Variants in GRTP1 observed in about 807,000 individuals in gnomAD.
The protein encoded by GRTP1 is growth hormone-regulated TBC protein 1.
GRTP1 carries 56 observed loss-of-function variants against 38.1 expected under a neutral mutation model. That is an observed-to-expected ratio of 1.47 (90% CI 1.19 to 1.84). The LOEUF is 1.84. Ranked by LOEUF, GRTP1 falls within the 40% of genes most tolerant of loss-of-function variation. The pLI is 0.00. For missense variants in GRTP1, 506 were observed against 453.9 expected (o/e 1.11, Z -1.04); for synonymous variants, 217 against 189.5 (o/e 1.14, Z -1.19).
rs201619154 is a variant in GRTP1, at chr13:113,344,844, G to A, written c.562+19C>T. 2.2e-4 allele frequency: 342 copies of A among 1,580,304 alleles called. No individual in the cohort carries two copies. Among genetic ancestry groups the A allele is most frequent in the Non-Finnish European group, 2.8e-4 (328 of 1,166,884 alleles). On this transcript the variant is annotated intron_variant, in intron 5 of 7. Coordinates refer to ENST00000375431, the MANE Select transcript of GRTP1 (RefSeq NM_024719.4). Reference sequence around the variant, plus strand: ...AGAAACAGGACAGTTCGGGCATACCGCAGGAATTTTCAACATACCTGGTAG... The same window carrying A: ...AGAAACAGGACAGTTCGGGCATACCACAGGAATTTTCAACATACCTGGTAG...
chr13:113,357,353 G>C (rs2043412279), intron 2 of GRTP1, among the ~76,000 whole-genome samples: 1 of 147,348 alleles, frequency 6.8e-6, no homozygotes, highest in South Asian at 2.1e-4. Flanking sequence ...ACTGAGGCAG[G>C]AGAATAGCCT....
intron 5 of GRTP1, among the ~76,000 whole-genome samples, chr13:113,329,736 AC>A (rs1203250746): frequency 9.9e-5 from 15 of 152,254 alleles, no homozygotes; most frequent in African/African-American, 3.6e-4. Context: ...AGAAAAGACG[AC>A]CCAGGCTTGC....
intron 5 of GRTP1, among the ~76,000 whole-genome samples, chr13:113,328,806 C>G (rs145141985): frequency 1.8e-3 from 271 of 152,362 alleles, no homozygotes; most frequent in African/African-American, 6.2e-3. Context: ...GTTTCCATTC[C>G]CAGGGGCGTC....
In GRTP1 at chr13:113,343,806, C is replaced by T. The variant is rs1264531744; in HGVS notation, c.562+1057G>A. Among the ~76,000 whole-genome samples the T allele has an allele frequency of 1.3e-5, 2 of 152,212 alleles. No individual in the cohort carries two copies. The highest frequency in any genetic ancestry group is 2.9e-5 in the Non-Finnish European group (2 of 68,044). ...CTGGCCCGGCTGCCCCTCACGTCTCCTCTGCCCTGCAGGATGAGCACGCAG... is the reference window on the plus strand; with the variant it reads ...CTGGCCCGGCTGCCCCTCACGTCTCTTCTGCCCTGCAGGATGAGCACGCAG... On this transcript the variant is annotated intron_variant, in intron 5 of 7. Coordinates refer to ENST00000375431, the MANE Select transcript of GRTP1 (RefSeq NM_024719.4). The surrounding 1 kb of genome is among the most constrained non-coding windows in gnomAD (Gnocchi z 4.8).
chr13:113,349,659 G>A lies in GRTP1; in HGVS notation c.465+1190C>T, dbSNP rs948785427. Among the ~76,000 whole-genome samples the A allele has an allele frequency of 6.6e-6, 1 of 152,208 alleles. No individual in the cohort carries two copies. The highest frequency in any genetic ancestry group is 2.4e-5 in the African/African-American group (1 of 41,458). On this transcript the variant is annotated intron_variant, in intron 4 of 7. Transcript: ENST00000375431. The surrounding 1 kb of genome is among the most constrained non-coding windows in gnomAD (Gnocchi z 5.0). The stretch of plus-strand genomic sequence containing the variant: ...TGGAACAGCTGGTGAGGACAGCGTG[G>A]TCCCGTGGCTCTGCTGCTGGCCTTT...
chr13:113,361,395 G>A (rs1220820078), intron 2 of GRTP1, among the ~76,000 whole-genome samples: 5 of 152,108 alleles, frequency 3.3e-5, no homozygotes, highest in Non-Finnish European at 7.3e-5. Flanking sequence ...TGTGCTGAGT[G>A]GTTCCCTAAA....
At position 113,325,740 on chromosome 13, in the gene GRTP1, G is replaced by C. The variant is rs1046420802; in HGVS notation, c.842C>G (p.Thr281Ser). Residue 281 changes from threonine to serine, a missense_variant, in exon 7 of 8, where the codon ACC becomes AGC. Thr to Ser is a moderately conservative substitution (Grantham distance 58). Transcript: ENST00000375431. ...CTTATCGCAAATGTCTGGAACGCTG[G>C]TGGCTTCCAAAATCAACTCCTGGTG... ...KQHQELILEA[T>S]SVPDICDKFK... The C allele has an allele frequency of 2.5e-6, 4 of 1,614,188 alleles. No homozygotes were observed. The African/African-American group carries it at 5.3e-5, about 22-fold the overall frequency.
At chr13:113,332,372 C>G (rs1423652921) in intron 5 of GRTP1, among the ~76,000 whole-genome samples, 1 of 140,184 alleles carries the variant, frequency 7.1e-6, no homozygotes, top group African/African-American at 3.0e-5. Flanking sequence ...TGCACACGCA[C>G]ACCACACACG....
At chr13:113,325,401 C>G (rs1453210777) in intron 7 of GRTP1, 5 of 1,434,168 alleles carry the variant, frequency 3.5e-6, no homozygotes, top group Non-Finnish European at 4.5e-6. Context: ...TGGCACCACA[C>G]ACAGCAGATG....
chr13:113,353,859 C>T (rs893340532), intron 3 of GRTP1, among the ~76,000 whole-genome samples: 2 of 152,002 alleles, frequency 1.3e-5, no homozygotes, highest in East Asian at 1.9e-4. Context: ...CCTCAGAGCC[C>T]GGGAGTTCAA....
intron 2 of GRTP1, among the ~76,000 whole-genome samples, chr13:113,361,210 T>A (rs1167267365): frequency 3.2e-5 from 4 of 125,332 alleles, no homozygotes; most frequent in African/African-American, 9.4e-5. Flanking sequence ...AGACCAATGC[T>A]AAAAAAAAAA....
intron 2 of GRTP1, among the ~76,000 whole-genome samples, chr13:113,358,943 T>A (rs994979524): frequency 6.6e-6 from 1 of 152,202 alleles, no homozygotes; most frequent in African/African-American, 2.4e-5. Flanking sequence ...AAGACCAAGT[T>A]CACACAAAAA....
chr13:113,346,224 GAGA>G lies in GRTP1; in HGVS notation c.466-1268_466-1266del, dbSNP rs1595495428. Among the ~76,000 whole-genome samples, 266 of 121,990 alleles carry G rather than the reference GAGA, an allele frequency of 2.2e-3. 17 individuals carry two copies. The highest frequency in any genetic ancestry group is 2.8e-3 in the Admixed American group (33 of 11,908). 80.0% of individuals were successfully genotyped at this position (121,990 alleles called of 152,430 possible). On this transcript the variant is annotated intron_variant, in intron 4 of 7. Coordinates refer to ENST00000375431, the MANE Select transcript of GRTP1 (RefSeq NM_024719.4). ...CAGACCCGGGAGGACCTCTGTGGCT[GAGA>G]ACAGACCCGGGAGGACCTCTGTGGC...
chr13:113,356,294 G>A lies in GRTP1; in HGVS notation c.182-813C>T, dbSNP rs189360945. 1.4e-4 allele frequency among the ~76,000 whole-genome samples: 21 copies of A among 152,100 alleles called. No individual in the cohort carries two copies. The East Asian group carries it at 4.0e-3, about 29-fold the overall frequency. ...TTTATTTTATTTTTTTCGAGACGGA[G>A]TCTTGTTCTGTCGCCCAGGCTGGAG... On this transcript the variant is annotated intron_variant, in intron 2 of 7. Coordinates refer to ENST00000375431, the MANE Select transcript of GRTP1 (RefSeq NM_024719.4).
chr13:113,330,345 TGGGAGCCCAGGTGTGTGGAA>T, intron 5 of GRTP1, among the ~76,000 whole-genome samples: 1 of 120,162 alleles, frequency 8.3e-6, no homozygotes, highest in East Asian at 2.7e-4. Flanking sequence ...GGTGTGTGCA[TGGGAGCCCAGGTGTGTGGAA>T]GGAAACCCAG....
rs575354987 is a variant in GRTP1, at chr13:113,325,720, C to T, written c.862G>A (p.Asp288Asn). Residue 288 changes from aspartate (D) to asparagine (N), a missense_variant, in exon 7 of 8, where the codon GAT becomes AAT. Coordinates refer to ENST00000375431, the MANE Select transcript of GRTP1 (RefSeq NM_024719.4). ...LEATSVPDIC[D>N]KFKQITKGSF... ...CCTTTGGTTATCTGCTTAAACTTAT[C>T]GCAAATGTCTGGAACGCTGGTGGCT... 65 of 1,614,238 alleles carry T rather than the reference C, an allele frequency of 4.0e-5. 1 individual carries two copies. In the South Asian group the frequency reaches 4.8e-4, roughly 12 times the overall value.
At chr13:113,353,369 G>A (rs542108880) in intron 3 of GRTP1, among the ~76,000 whole-genome samples, 1 of 152,392 alleles carries the variant, frequency 6.6e-6, no homozygotes, top group Non-Finnish European at 1.5e-5. Context: ...GGGGTCCACT[G>A]ATAGATGGAT....
chr13:113,355,554 T>A, intron 2 of GRTP1, 73 bp from the exon 3 acceptor site: 1 of 1,459,244 alleles, frequency 6.9e-7, no homozygotes, highest in East Asian at 2.4e-5. Context: ...CCTGCCACAC[T>A]TTCCACTCTC....
At position 113,325,740 on chromosome 13, in the gene GRTP1, G is replaced by A. The variant is rs1046420802; in HGVS notation, c.842C>T (p.Thr281Ile). The A allele has an allele frequency of 1.2e-6, 2 of 1,614,188 alleles. No homozygotes were observed. Among genetic ancestry groups the A allele is most frequent in the Non-Finnish European group, 8.5e-7 (1 of 1,180,022 alleles). ...KQHQELILEATSVPDICDKFK... is the reference protein window; with the variant it reads ...KQHQELILEAISVPDICDKFK... ...CTTATCGCAAATGTCTGGAACGCTGGTGGCTTCCAAAATCAACTCCTGGTG... is the reference window on the plus strand; with the variant it reads ...CTTATCGCAAATGTCTGGAACGCTGATGGCTTCCAAAATCAACTCCTGGTG... The change falls in exon 7 of 8, where the codon ACC becomes ATC. Residue 281 changes from threonine (T) to isoleucine (I), a missense_variant. By Grantham distance (89) the Thr-to-Ile change is moderately conservative (BLOSUM62 -1). Coordinates refer to ENST00000375431, the MANE Select transcript of GRTP1 (RefSeq NM_024719.4).
Sources: allele counts gnomAD v4.1 joint callset (sites outside exome capture counted in the v4.1 genomes callset), GRCh38; gene constraint gnomAD v4.1.1; non-coding constraint Gnocchi (gnomAD v3.1); transcripts MANE v1.5; gene names NCBI Gene and HGNC (gene_info 2026-07-23, HGNC 2026-07-21).